MAGI1: variants seen among roughly 807,000 people sequenced by gnomAD.
MAGI1 encodes the protein membrane associated guanylate kinase, WW and PDZ domain containing 1.
In MAGI1, 58 loss-of-function variants were observed where a neutral mutation model predicts 139.9. The observed-to-expected ratio is 0.41, with a 90% CI of 0.34 to 0.52. The LOEUF (loss-of-function observed/expected upper bound fraction) is 0.52, where lower values mean the gene tolerates loss of function less well. MAGI1 is among the 20% of genes least tolerant of loss of function. The pLI is 0.12. For synonymous variants in MAGI1, 812 were observed against 737.9 expected, an observed-to-expected ratio of 1.10 and a Z score of -1.63; for missense variants, 1,874 against 1,901.6, an observed-to-expected ratio of 0.99 and a Z score of 0.27.
intron 14 of MAGI1, chr3:65,387,365 T>C (rs1171195191): frequency 8.6e-6 from 5 of 580,748 alleles, no homozygotes; most frequent in South Asian, 4.8e-5. Context: ...TAAAAGACTA[T>C]AGTTTGATTC....
intron 1 of MAGI1, among the ~76,000 whole-genome samples, chr3:65,679,719 C>T (rs554017989): frequency 2.0e-5 from 3 of 152,288 alleles, no homozygotes; most frequent in African/African-American, 7.2e-5. Context: ...TCTTGGTCGG[C>T]GGTTTTCAAA....
intron 1 of MAGI1, among the ~76,000 whole-genome samples, chr3:65,917,933 T>C (rs1303674682): frequency 6.6e-6 from 1 of 152,188 alleles, no homozygotes; most frequent in East Asian, 1.9e-4. Context: ...CTTTGGGTGA[T>C]AATGATGTGT....
intron 1 of MAGI1, among the ~76,000 whole-genome samples, chr3:65,992,306 C>G (rs184057141): frequency 6.6e-6 from 1 of 152,206 alleles, no homozygotes; most frequent in African/African-American, 2.4e-5. Context: ...AGTGACTCAC[C>G]TATATCTTGA....
In MAGI1 at chr3:65,816,638, GAAA is replaced by G. The variant is rs11295080; in HGVS notation, c.314-194553_314-194551del. Among the ~76,000 whole-genome samples the G allele has an allele frequency of 5.9e-3, 838 of 142,480 alleles. 7 individuals carry two copies. The highest frequency in any genetic ancestry group is 0.021 in the African/African-American group (785 of 38,218). The allele number at this position is 142,480 out of a possible 152,430, so 93.5% of individuals were successfully genotyped here. On this transcript the variant is annotated intron_variant, in intron 1 of 22. Coordinates refer to ENST00000402939, the MANE Select transcript of MAGI1 (RefSeq NM_001033057.2). ...CAGATGCTCTGAGTAGCTAACAGGG[GAAA>G]AAAAAAAAAAAAGATCAATGCCATG... is the stretch of plus-strand genomic sequence containing the variant.
intron 3 of MAGI1, among the ~76,000 whole-genome samples, chr3:65,487,803 T>G (rs888675288): frequency 2.0e-5 from 3 of 152,236 alleles, no homozygotes; most frequent in African/African-American, 7.2e-5. Context: ...TCTTAAGACC[T>G]GCTTTGCTTT....
chr3:65,897,391 T>TCTCACTCA (rs2061015991), intron 1 of MAGI1, among the ~76,000 whole-genome samples: 1 of 151,450 alleles, frequency 6.6e-6, no homozygotes, highest in Non-Finnish European at 1.5e-5. Context: ...CACCGCATGT[T>TCTCACTCA]CTCACTCACA....
chr3:65,774,469 A>G (rs1236734723), intron 1 of MAGI1, among the ~76,000 whole-genome samples: 1 of 152,188 alleles, frequency 6.6e-6, no homozygotes, highest in Non-Finnish European at 1.5e-5. Flanking sequence ...TTCCTGGGGC[A>G]AAATTCTCCT....
At chr3:65,646,138 CTAT>C in intron 1 of MAGI1, among the ~76,000 whole-genome samples, 2 of 152,066 alleles carry the variant, frequency 1.3e-5, no homozygotes, top group Admixed American at 6.6e-5. Flanking sequence ...CATAACCCAA[CTAT>C]ATTATGTTAA....
intron 1 of MAGI1, among the ~76,000 whole-genome samples, chr3:66,018,115 G>C (rs1385711269): frequency 7.7e-6 from 1 of 129,280 alleles, no homozygotes; most frequent in Non-Finnish European, 1.6e-5. Context: ...CACTTTGGTG[G>C]GGGGGGGGGG....
intron 1 of MAGI1, among the ~76,000 whole-genome samples, chr3:65,918,043 A>G (rs1349298435): frequency 6.6e-6 from 1 of 152,162 alleles, no homozygotes; most frequent in Middle Eastern, 3.2e-3. Flanking sequence ...GTACATAGGA[A>G]ATCTTTGTAC....
At chr3:65,499,816 T>C (rs1351661043) in intron 2 of MAGI1, among the ~76,000 whole-genome samples, 1 of 152,214 alleles carries the variant, frequency 6.6e-6, no homozygotes, top group African/African-American at 2.4e-5. Flanking sequence ...ATAATAATAC[T>C]ATACCCTTAA....
At chr3:65,371,352 T>C (rs971599798) in intron 18 of MAGI1, among the ~76,000 whole-genome samples, 1 of 152,258 alleles carries the variant, frequency 6.6e-6, no homozygotes, top group African/African-American at 2.4e-5. Context: ...GTTCACACTA[T>C]ACTATAGTCT....
In MAGI1 at chr3:65,477,789, G is replaced by A. The variant is rs769994611; in HGVS notation, c.757+803C>T. Among the ~76,000 whole-genome samples the A allele has an allele frequency of 4.7e-5, 7 of 149,880 alleles. No homozygotes were observed. In the East Asian group the frequency reaches 1.2e-3, roughly 25 times the overall value. On this transcript the variant is annotated intron_variant, in intron 4 of 22. Coordinates refer to ENST00000402939, the MANE Select transcript of MAGI1 (RefSeq NM_001033057.2). ...CACTAGAGTGCAGTGGTGCAATCTC[G>A]GCTCACTGCAATCTTTGCCCTTCAG...
intron 1 of MAGI1, among the ~76,000 whole-genome samples, chr3:65,726,956 C>CAAAAAAAAAAAAAAAAAA (rs539578446): frequency 3.9e-5 from 4 of 102,192 alleles, no homozygotes; most frequent in Non-Finnish European, 6.5e-5. Flanking sequence ...CTCCAAAATC[C>CAAAAAAAAAAAAAAAAAA]AAAAAAAAAA....
intron 1 of MAGI1, among the ~76,000 whole-genome samples, chr3:66,004,727 C>T (rs2066924274): frequency 6.6e-6 from 1 of 152,184 alleles, no homozygotes; most frequent in Non-Finnish European, 1.5e-5. Context: ...AGACAAACCA[C>T]TGATAGATGA....
At chr3:65,874,133 A>C (rs934187888) in intron 1 of MAGI1, 2 of 152,524 alleles carry the variant, frequency 1.3e-5, no homozygotes, top group Non-Finnish European at 2.9e-5. Flanking sequence ...AAAAAATACA[A>C]AAATTAGCCA....
intron 1 of MAGI1, among the ~76,000 whole-genome samples, chr3:65,956,894 T>G (rs1390896528): frequency 6.6e-6 from 1 of 151,918 alleles, no homozygotes; most frequent in Non-Finnish European, 1.5e-5. Flanking sequence ...CCCAGCTACT[T>G]GGGTGGCTGA....
chr3:65,863,986 C>G (rs2059637505), intron 1 of MAGI1, among the ~76,000 whole-genome samples: 1 of 152,054 alleles, frequency 6.6e-6, no homozygotes, highest in African/African-American at 2.4e-5. Flanking sequence ...TGATTATTGT[C>G]TTGCTCTCTA....
At chr3:65,684,938 G>A (rs552466148) in intron 1 of MAGI1, among the ~76,000 whole-genome samples, 3 of 131,210 alleles carry the variant, frequency 2.3e-5, no homozygotes, top group South Asian at 2.3e-4. Flanking sequence ...GGCTGGTCTC[G>A]AACTCCTGGG....
Sources: gnomAD v4.1 joint callset for allele counts (sites outside exome capture counted in the v4.1 genomes callset) on GRCh38, gnomAD v4.1.1 for gene constraint, MANE v1.5 for transcripts, NCBI Gene and HGNC (gene_info 2026-07-23, HGNC 2026-07-21) for gene names.